Variants in ERGIC1 observed in about 807,000 individuals in gnomAD.
The protein encoded by ERGIC1 is endoplasmic reticulum-Golgi intermediate compartment protein 1.
A neutral mutation model predicts 38.3 loss-of-function variants in ERGIC1; 19 were observed. The ratio of observed to expected loss-of-function variants is 0.50; its 90% CI spans 0.35 to 0.73. ERGIC1 has a LOEUF of 0.73. Ranked by LOEUF, ERGIC1 falls within the 30% of genes least tolerant of loss-of-function variation. The pLI, the probability that ERGIC1 is intolerant of heterozygous loss-of-function variation, is 0.01. For synonymous variants in ERGIC1, 124 were observed against 157.6 expected (o/e 0.79, Z 1.60); for missense variants, 294 against 389.2 (o/e 0.76, Z 2.06).
intron 9 of ERGIC1, among the ~76,000 whole-genome samples, chr5:172,944,845 C>T (rs1170243953): frequency 2.6e-5 from 4 of 152,192 alleles, no homozygotes; most frequent in African/African-American, 9.7e-5. Flanking sequence ...CTGCTGCCTG[C>T]CCCATCCAGG....
In ERGIC1 at chr5:172,834,310, C is replaced by CGGCGGG. The variant is rs1436490585; in HGVS notation, c.-96_-91dup. 3.7e-6 allele frequency: 4 copies of CGGCGGG among 1,081,924 alleles called. No homozygotes were observed. Among genetic ancestry groups the CGGCGGG allele is most frequent in the Non-Finnish European group, 4.6e-6 (4 of 877,852 alleles). The allele number at this position is 1,081,924 out of a possible 1,614,324, so 67.0% of individuals were successfully genotyped here. ...GAGTGGCGAGTGTCAGGGGGGCGGC[C>CGGCGGG]GGCGGGGGCGGGGCGGCCGGAGGAG... is the stretch of plus-strand genomic sequence containing the variant. On this transcript the variant is annotated 5_prime_UTR_variant, in exon 1 of 10. Transcript: ENST00000393784. The surrounding 1 kb of genome is among the most constrained non-coding windows in gnomAD (Gnocchi z 4.1).
At chr5:172,932,782 A>T (rs1291025643) in intron 8 of ERGIC1, 1 of 518,460 alleles carries the variant, frequency 1.9e-6, no homozygotes. Flanking sequence ...CGTTTGACAA[A>T]GAGCAGGTAG....
rs368679343 is a variant in ERGIC1, at chr5:172,892,331, G to A, written c.82+3571G>A. 8.5e-5 allele frequency among the ~76,000 whole-genome samples: 13 copies of A among 152,262 alleles called. No individual in the cohort carries two copies. The East Asian group carries it at 2.3e-3, about 27-fold the overall frequency. On this transcript the variant is annotated intron_variant, in intron 2 of 9. Coordinates refer to ENST00000393784, the MANE Select transcript of ERGIC1 (RefSeq NM_001031711.3). ...CCATCTTTGTCCTTGAGGAGCACAC[G>A]ACTGGGCAGGGCGGGCTGACTTGGA...
intron 2 of ERGIC1, among the ~76,000 whole-genome samples, chr5:172,893,929 GTGTGTGTA>G (rs1762644945): frequency 3.7e-5 from 2 of 54,782 alleles, no homozygotes; most frequent in African/African-American, 8.5e-5. Flanking sequence ...GTGTGTGTGT[GTGTGTGTA>G]TATATATATA....
In ERGIC1 at chr5:172,850,289, C is replaced by G. The variant is rs184901791; in HGVS notation, c.20+15856C>G. On this transcript the variant is annotated intron_variant, in intron 1 of 9. Coordinates refer to ENST00000393784, the MANE Select transcript of ERGIC1 (RefSeq NM_001031711.3). ...GAGGGCATGAGAAGGTTCGCCTACC[C>G]GCCCCCTCCCTGCCCCACCCCACCC... Among the ~76,000 whole-genome samples the G allele has an allele frequency of 2.3e-3, 347 of 152,146 alleles. 2 individuals are homozygous for G. The highest frequency in any genetic ancestry group is 8.0e-3 in the African/African-American group (330 of 41,488).
rs10039585 is a variant in ERGIC1 at position 172,889,980 on chromosome 5, G to A, written c.82+1220G>A. Among the ~76,000 whole-genome samples, 842 of 152,262 alleles carry A rather than the reference G, an allele frequency of 5.5e-3. 8 individuals are homozygous for A. Among genetic ancestry groups the A allele is most frequent in the African/African-American group, 0.019 (786 of 41,532 alleles). On this transcript the variant is annotated intron_variant, in intron 2 of 9. Coordinates refer to ENST00000393784, the MANE Select transcript of ERGIC1 (RefSeq NM_001031711.3). ...GTAGCTATTCTCCCATCCAGGTGGT[G>A]GAGTTTAATTCCCCTCTCTTGAGTG...
chr5:172,946,279 T>A (rs1344197512), intron 9 of ERGIC1, among the ~76,000 whole-genome samples: 1 of 152,126 alleles, frequency 6.6e-6, no homozygotes, highest in Non-Finnish European at 1.5e-5. Context: ...CGACTGCAAT[T>A]TGCTTTCTTT....
chr5:172,892,060 A>ATTTTTTTTTTTGTTTGTTT (rs372105420), intron 2 of ERGIC1, among the ~76,000 whole-genome samples: 2 of 125,530 alleles, frequency 1.6e-5, no homozygotes, highest in Non-Finnish European at 3.3e-5. Flanking sequence ...GTTAAAGAGT[A>ATTTTTTTTTTTGTTTGTTT]TGTTTTTTTT....
intron 9 of ERGIC1, among the ~76,000 whole-genome samples, chr5:172,940,719 G>A (rs1018975617): frequency 1.3e-5 from 2 of 152,162 alleles, no homozygotes; most frequent in African/African-American, 4.8e-5. Flanking sequence ...AACTCAAGTG[G>A]TGCTCAGGGC....
At chr5:172,940,759 G>A (rs1248145961) in intron 9 of ERGIC1, among the ~76,000 whole-genome samples, 1 of 152,198 alleles carries the variant, frequency 6.6e-6, no homozygotes, top group Non-Finnish European at 1.5e-5. Flanking sequence ...TGGGTATGAG[G>A]GAGAGTTGCT....
At chr5:172,866,709 G>A (rs1023982792) in intron 1 of ERGIC1, among the ~76,000 whole-genome samples, 3 of 152,240 alleles carry the variant, frequency 2.0e-5, no homozygotes, top group African/African-American at 7.2e-5. Context: ...GCAGAGCTGG[G>A]ACTTGAACCC....
chr5:172,908,310 G>A (rs1240340778), intron 3 of ERGIC1, among the ~76,000 whole-genome samples: 1 of 28,682 alleles, frequency 3.5e-5, no homozygotes, highest in African/African-American at 1.3e-4. Flanking sequence ...CGGGGGCGGG[G>A]GGGGGGGGAG....
rs1167101574 is a variant in ERGIC1, at chr5:172,921,889, C to T, written c.376-2116C>T. On this transcript the variant is annotated intron_variant, in intron 5 of 9. Transcript: ENST00000393784. ...TGCAGACTCATCTTCAGAGCCTTAA[C>T]ACAGGATGTCCTTCCCCCTGGGAAG... 2.6e-5 allele frequency among the ~76,000 whole-genome samples: 4 copies of T among 152,276 alleles called. 1 individual carries two copies.
At chr5:172,868,542 G>A (rs555971776) in intron 1 of ERGIC1, among the ~76,000 whole-genome samples, 1 of 152,350 alleles carries the variant, frequency 6.6e-6, no homozygotes, top group African/African-American at 2.4e-5. Flanking sequence ...GTTGCCAGGG[G>A]TTGCGGGAGG....
intron 1 of ERGIC1, among the ~76,000 whole-genome samples, chr5:172,880,923 T>C (rs1258049061): frequency 1.3e-5 from 2 of 152,218 alleles, no homozygotes; most frequent in East Asian, 3.8e-4. Context: ...GTTCCTCTCT[T>C]GCTTTAATTT....
intron 5 of ERGIC1, among the ~76,000 whole-genome samples, 172 bp from the exon 6 acceptor site, chr5:172,923,833 A>G (rs1763589296): frequency 6.6e-6 from 1 of 152,178 alleles, no homozygotes; most frequent in African/African-American, 2.4e-5. Flanking sequence ...GAGGAGCCTG[A>G]GGCCCAGAGA....
At chr5:172,895,454 G>A (rs879374231) in intron 2 of ERGIC1, among the ~76,000 whole-genome samples, 1 of 151,188 alleles carries the variant, frequency 6.6e-6, no homozygotes, top group Admixed American at 6.6e-5. Flanking sequence ...AAACTCAGGT[G>A]TGGCGTATTC....
chr5:172,850,078 C>G (rs569331561), intron 1 of ERGIC1, among the ~76,000 whole-genome samples: 1 of 152,254 alleles, frequency 6.6e-6, no homozygotes, highest in African/African-American at 2.4e-5. Context: ...AACACGGAAG[C>G]TGGAAGGGTC....
chr5:172,888,890 C>T, intron 2 of ERGIC1, 130 bp downstream of exon 2: 1 of 854,764 alleles, frequency 1.2e-6, no homozygotes, highest in Non-Finnish European at 2.0e-6. Flanking sequence ...TGCTGAGCAT[C>T]TTGCGGGGGC....
Sources: gnomAD v4.1 joint callset for allele counts (sites outside exome capture counted in the v4.1 genomes callset) on GRCh38, gnomAD v4.1.1 for gene constraint, Gnocchi (gnomAD v3.1) non-coding constraint, MANE v1.5 for transcripts, NCBI Gene and HGNC (gene_info 2026-07-23, HGNC 2026-07-21) for gene names.